The following PRIM2 variants were observed in gnomAD, a reference collection of about 807,000 sequenced individuals.
PRIM2 encodes the protein DNA primase subunit 2.
Under a neutral mutation model 67.3 loss-of-function variants are expected in PRIM2, and 39 were observed. That is an observed-to-expected ratio of 0.58 (90% confidence interval 0.45 to 0.76). PRIM2 has a LOEUF of 0.76. Among genes scored for constraint, PRIM2 ranks in the 30% least tolerant of loss-of-function variants. PRIM2 has a pLI of 0.00. For synonymous variants in PRIM2, 143 were observed against 198.7 expected (o/e 0.72, Z 2.36); for missense variants, 398 against 598.7 (o/e 0.66, Z 3.50).
intron 8 of PRIM2, among the ~76,000 whole-genome samples, chr6:57,518,468 T>G (rs2127463262): frequency 6.6e-6 from 1 of 152,302 alleles, no homozygotes; most frequent in East Asian, 1.9e-4. Flanking sequence ...CTCCATTAGA[T>G]GAAGGAATTT....
intron 11 of PRIM2, among the ~76,000 whole-genome samples, chr6:57,606,076 A>T (rs1776556861): frequency 6.6e-6 from 1 of 152,190 alleles, no homozygotes; most frequent in East Asian, 1.9e-4. Context: ...TTTTGTGATT[A>T]TTTGTGCTTG....
chr6:57,414,793 A>G (rs1168287753), intron 7 of PRIM2, among the ~76,000 whole-genome samples: 26 of 152,110 alleles, frequency 1.7e-4, no homozygotes, highest in African/African-American at 5.8e-4. Context: ...TATAAATTTT[A>G]TAGCCTTTAT....
chr6:57,527,942 C>T (rs1308559483), intron 8 of PRIM2, among the ~76,000 whole-genome samples: 17 of 152,086 alleles, frequency 1.1e-4, no homozygotes, highest in Non-Finnish European at 2.1e-4. Context: ...CTTTCTATTA[C>T]GTGTATGTCT....
chr6:57,352,326 C>T (rs1286247385), intron 5 of PRIM2, among the ~76,000 whole-genome samples: 6 of 151,858 alleles, frequency 4.0e-5, no homozygotes, highest in African/African-American at 7.3e-5. Flanking sequence ...CGGCATCCTC[C>T]GCCTCCCAGG....
At chr6:57,436,284 G>A (rs527775562) in intron 7 of PRIM2, among the ~76,000 whole-genome samples, 36 of 152,260 alleles carry the variant, frequency 2.4e-4, no homozygotes, top group African/African-American at 8.4e-4. Context: ...AGTGAGTAAA[G>A]GTATGAATAA....
the PRIM2 span, among the ~76,000 whole-genome samples, chr6:57,273,715 G>A: frequency 6.6e-5 from 10 of 152,236 alleles, no homozygotes; most frequent in South Asian, 2.1e-3. Flanking sequence ...GGTTTTTAGA[G>A]TTTCCAGTTT....
At chr6:57,605,599 A>G (rs1257655405) in intron 11 of PRIM2, among the ~76,000 whole-genome samples, 1 of 152,154 alleles carries the variant, frequency 6.6e-6, no homozygotes, top group Non-Finnish European at 1.5e-5. Flanking sequence ...CATCTGTATG[A>G]CTGAAAAAAA....
the PRIM2 span, among the ~76,000 whole-genome samples, chr6:57,237,081 T>C: frequency 2.0e-5 from 3 of 151,790 alleles, no homozygotes; most frequent in South Asian, 2.1e-4. Flanking sequence ...CACCTGTTGT[T>C]TCCTGACTTT....
At chr6:57,644,954 A>G (rs1777309544) in intron 13 of PRIM2, among the ~76,000 whole-genome samples, 1 of 152,226 alleles carries the variant, frequency 6.6e-6, no homozygotes. Flanking sequence ...ATAGTATTTG[A>G]GAAAAAATAA....
chr6:57,443,898 G>T (rs908377151), intron 7 of PRIM2, among the ~76,000 whole-genome samples: 1 of 151,890 alleles, frequency 6.6e-6, no homozygotes, highest in Non-Finnish European at 1.5e-5. Context: ...AGAGTTTCTG[G>T]TCTTATGTTT....
intron 7 of PRIM2, among the ~76,000 whole-genome samples, chr6:57,502,258 C>G (rs1774148351): frequency 1.3e-5 from 2 of 152,162 alleles, no homozygotes; most frequent in Non-Finnish European, 2.9e-5. Flanking sequence ...TGCCATTAGG[C>G]TAAACAGAAA....
chr6:57,462,118 C>G (rs1482220616), intron 7 of PRIM2, among the ~76,000 whole-genome samples: 1 of 152,080 alleles, frequency 6.6e-6, no homozygotes, highest in Non-Finnish European at 1.5e-5. Flanking sequence ...ATTTTCCATG[C>G]TCAAGTAAGT....
At chr6:57,644,041 G>C (rs1250846592) in intron 13 of PRIM2, among the ~76,000 whole-genome samples, 1 of 152,034 alleles carries the variant, frequency 6.6e-6, no homozygotes, top group African/African-American at 2.4e-5. Context: ...TCTACTAAAA[G>C]ATTATACATA....
chr6:57,537,043 T>G (rs1775015910), intron 9 of PRIM2, among the ~76,000 whole-genome samples: 1 of 152,218 alleles, frequency 6.6e-6, no homozygotes, highest in African/African-American at 2.4e-5. Context: ...GTATCCTGTT[T>G]GTGATAATCT....
rs530443577 is a variant in PRIM2, at chr6:57,398,414, A to G, written c.693+16246A>G. 5.0e-3 allele frequency among the ~76,000 whole-genome samples: 764 copies of G among 152,216 alleles called. 9 individuals are homozygous for G. Among genetic ancestry groups the G allele is most frequent in the African/African-American group, 0.017 (718 of 41,528 alleles). On this transcript the variant is annotated intron_variant, in intron 7 of 13. Transcript: ENST00000615550. ...GCCTTAATTTCATTTTTTACCCAAA[A>G]GTCATTCAGAAGCATGTTAATTTTC...
At chr6:57,517,036 T>C (rs1774501775) in intron 8 of PRIM2, among the ~76,000 whole-genome samples, 2 of 152,202 alleles carry the variant, frequency 1.3e-5, no homozygotes, top group African/African-American at 4.8e-5. Flanking sequence ...CTCCAAAGTT[T>C]CTCAGGAATT....
chr6:57,517,593 A>T (rs1774512870), intron 8 of PRIM2, among the ~76,000 whole-genome samples: 1 of 152,158 alleles, frequency 6.6e-6, no homozygotes, highest in Non-Finnish European at 1.5e-5. Context: ...TCTGTATTTG[A>T]TAGTGTAGTT....
At chr6:57,493,435 A>C (rs1184077098) in intron 7 of PRIM2, among the ~76,000 whole-genome samples, 17 of 152,244 alleles carry the variant, frequency 1.1e-4, no homozygotes, top group African/African-American at 3.9e-4. Flanking sequence ...AATTATGTGA[A>C]CTCTTTGATA....
At chr6:57,414,450 T>G (rs1771193867) in intron 7 of PRIM2, among the ~76,000 whole-genome samples, 1 of 152,138 alleles carries the variant, frequency 6.6e-6, no homozygotes, top group African/African-American at 2.4e-5. Flanking sequence ...ATAGAAACCT[T>G]TAAACCTGTA....
Sources: gnomAD v4.1 joint callset for allele counts (sites outside exome capture counted in the v4.1 genomes callset) on GRCh38, gnomAD v4.1.1 for gene constraint, MANE v1.5 for transcripts, NCBI Gene and HGNC (gene_info 2026-07-23, HGNC 2026-07-21) for gene names.